The following ATP6V0A4 variants were observed in gnomAD, a reference collection of about 807,000 sequenced individuals.
The protein encoded by ATP6V0A4 is ATPase H+ transporting V0 subunit a4, also known as V-type proton ATPase 116 kDa subunit a 4.
In ATP6V0A4, 86 loss-of-function variants were observed where a neutral mutation model predicts 107.3. The ratio of observed to expected loss-of-function variants is 0.80; its 90% CI spans 0.67 to 0.96. ATP6V0A4 has a LOEUF of 0.96. Among genes scored for constraint, ATP6V0A4 ranks in the 40% least tolerant of loss-of-function variants. The pLI, the probability that ATP6V0A4 is intolerant of heterozygous loss-of-function variation, is 0.00. For synonymous variants in ATP6V0A4, 353 were observed against 381.4 expected (o/e 0.93, Z 0.87); for missense variants, 908 against 1,045.6 (o/e 0.87, Z 1.81).
chr7:138,796,998 C>T (rs1433450362), intron 1 of ATP6V0A4, among the ~76,000 whole-genome samples: 1 of 152,186 alleles, frequency 6.6e-6, no homozygotes, highest in East Asian at 1.9e-4. Flanking sequence ...ACCAGGCACG[C>T]AGAAGCTTAG....
At position 138,726,190 on chromosome 7, in the gene ATP6V0A4, C is replaced by T. The variant is rs555335746; in HGVS notation, c.2010+2571G>A. On this transcript the variant is annotated intron_variant, in intron 18 of 21. Coordinates refer to ENST00000310018, the MANE Select transcript of ATP6V0A4 (RefSeq NM_020632.3). The stretch of plus-strand genomic sequence containing the variant: ...ATTTTTAGTAGAGACGGGGTTTCAC[C>T]GTGTTAGCCAGGATGGTCTCGATCT... Among the ~76,000 whole-genome samples the T allele has an allele frequency of 9.2e-5, 14 of 152,112 alleles. No homozygotes were observed. In the East Asian group the frequency reaches 1.2e-3, roughly 13 times the overall value.
chr7:138,797,734 T>C (rs1808751986), intron 1 of ATP6V0A4, among the ~76,000 whole-genome samples: 1 of 152,134 alleles, frequency 6.6e-6, no homozygotes, highest in Non-Finnish European at 1.5e-5. Flanking sequence ...GCATCCATGC[T>C]ACACCTGCAG....
At chr7:138,788,956 T>G (rs891580522) in intron 1 of ATP6V0A4, among the ~76,000 whole-genome samples, 2 of 152,208 alleles carry the variant, frequency 1.3e-5, no homozygotes, top group Non-Finnish European at 2.9e-5. Flanking sequence ...ATGTCTTTAT[T>G]AGCAGCGTGA....
At chr7:138,762,863 G>A (rs769606726) in intron 6 of ATP6V0A4, 37 bp downstream of exon 6, 1 of 1,606,752 alleles carries the variant, frequency 6.2e-7, no homozygotes, top group Non-Finnish European at 8.5e-7. Flanking sequence ...AGGTTCTGAG[G>A]AACGGGCCCT....
At chr7:138,744,605 C>T (rs1013170931) in intron 14 of ATP6V0A4, among the ~76,000 whole-genome samples, 2 of 152,360 alleles carry the variant, frequency 1.3e-5, no homozygotes, top group Non-Finnish European at 2.9e-5. Flanking sequence ...GTGATTGTAG[C>T]TCATGCAGCT....
chr7:138,751,119 G>A (rs1177875328), intron 11 of ATP6V0A4, among the ~76,000 whole-genome samples: 1 of 151,918 alleles, frequency 6.6e-6, no homozygotes, highest in Non-Finnish European at 1.5e-5. Context: ...TTCCCCATCG[G>A]CCAAACCAGC....
At chr7:138,794,871 T>C (rs187843199) in intron 1 of ATP6V0A4, among the ~76,000 whole-genome samples, 1 of 151,018 alleles carries the variant, frequency 6.6e-6, no homozygotes, top group Admixed American at 6.7e-5. Context: ...GGTTAATAGT[T>C]ATCATTGGCC....
chr7:138,761,876 C>T (rs1227812576), intron 7 of ATP6V0A4, among the ~76,000 whole-genome samples: 1 of 152,046 alleles, frequency 6.6e-6, no homozygotes, highest in African/African-American at 2.4e-5. Context: ...ATTGGGGTTT[C>T]ACTATGTTGC....
At chr7:138,755,843 C>G (rs747152929) in intron 9 of ATP6V0A4, 61 bp from the exon 10 acceptor site, 59 of 1,592,760 alleles carry the variant, frequency 3.7e-5, no homozygotes, top group Middle Eastern at 3.3e-4. Context: ...TTCTGCATCC[C>G]CTTTTCTGCT....
intron 15 of ATP6V0A4, among the ~76,000 whole-genome samples, chr7:138,736,061 T>G (rs6415391): frequency 1.3e-5 from 2 of 150,492 alleles, no homozygotes; most frequent in Non-Finnish European, 2.9e-5. Context: ...AAAGTGAAAC[T>G]CCATCTCAAA....
At chr7:138,745,055 A>T in intron 14 of ATP6V0A4, 68 bp downstream of exon 14, 1 of 1,430,372 alleles carries the variant, frequency 7.0e-7, no homozygotes, top group Non-Finnish European at 9.9e-7. Context: ...GACTCCCCCA[A>T]CCATGAAAAC....
At chr7:138,737,579 C>CTTTTTTTTT (rs373540257) in intron 15 of ATP6V0A4, among the ~76,000 whole-genome samples, 1 of 134,644 alleles carries the variant, frequency 7.4e-6, no homozygotes, top group Non-Finnish European at 1.6e-5. Flanking sequence ...TTTTCTTTTT[C>CTTTTTTTTT]TTTTTTTTTT....
intron 21 of ATP6V0A4, among the ~76,000 whole-genome samples, chr7:138,707,235 T>TATATA (rs1250990808): frequency 1.0e-4 from 7 of 67,984 alleles, no homozygotes; most frequent in African/African-American, 4.2e-4. Context: ...TATTATATAA[T>TATATA]ATATATTATA....
At chr7:138,726,004 T>TA (rs1804693994) in intron 18 of ATP6V0A4, among the ~76,000 whole-genome samples, 2 of 151,414 alleles carry the variant, frequency 1.3e-5, no homozygotes, top group East Asian at 1.9e-4. Flanking sequence ...TTTATTTATT[T>TA]TTTGAGACAG....
chr7:138,715,073 C>G (rs1222632880), intron 20 of ATP6V0A4, among the ~76,000 whole-genome samples: 1 of 152,176 alleles, frequency 6.6e-6, no homozygotes, highest in African/African-American at 2.4e-5. Context: ...CAGGCAGCCT[C>G]AAGAGGCTGG....
At chr7:138,782,089 G>A (rs1309306210) in intron 2 of ATP6V0A4, among the ~76,000 whole-genome samples, 2 of 151,880 alleles carry the variant, frequency 1.3e-5, no homozygotes, top group African/African-American at 2.4e-5. Flanking sequence ...TGGTACCAGA[G>A]TGCCATAAAC....
intron 18 of ATP6V0A4, among the ~76,000 whole-genome samples, chr7:138,725,458 G>C (rs561799711): frequency 1.3e-5 from 2 of 152,132 alleles, no homozygotes; most frequent in Admixed American, 1.3e-4. Context: ...GACAGTCCTG[G>C]AGGTCAGCAC....
intron 5 of ATP6V0A4, among the ~76,000 whole-genome samples, chr7:138,768,087 C>T (rs758852551): frequency 9.9e-5 from 15 of 152,240 alleles, no homozygotes; most frequent in Non-Finnish European, 1.9e-4. Flanking sequence ...GCACCTACCA[C>T]CACCCCCGGC....
chr7:138,762,519 T>C (rs1806876163), intron 6 of ATP6V0A4, 85 bp from the exon 7 acceptor site: 1 of 1,572,714 alleles, frequency 6.4e-7, no homozygotes, highest in Admixed American at 1.8e-5. Flanking sequence ...TTCTCTGGTT[T>C]TAGTGAAGCT....
Sources: gnomAD v4.1 joint callset for allele counts (sites outside exome capture counted in the v4.1 genomes callset) on GRCh38, gnomAD v4.1.1 for gene constraint, MANE v1.5 for transcripts, NCBI Gene and HGNC (gene_info 2026-07-23, HGNC 2026-07-21) for gene names.